Variants in SP140L observed in about 807,000 individuals in gnomAD.
SP140L encodes SP140 like nuclear body protein.
A neutral mutation model predicts 84.3 loss-of-function variants in SP140L; 64 were observed. The ratio of observed to expected loss-of-function variants is 0.76; its 90% CI spans 0.62 to 0.94. The LOEUF is 0.94. SP140L is among the 40% of genes least tolerant of loss of function. The pLI, the probability that SP140L is intolerant of heterozygous loss-of-function variation, is 0.00. For missense variants in SP140L, 628 were observed against 692.5 expected, an observed-to-expected ratio of 0.91 and a Z score of 1.05; for synonymous variants, 242 against 236.9, an observed-to-expected ratio of 1.02 and a Z score of -0.20.
intron 9 of SP140L, among the ~76,000 whole-genome samples, chr2:230,385,749 C>T (rs2061555157): frequency 6.6e-6 from 1 of 152,140 alleles, no homozygotes; most frequent in African/African-American, 2.4e-5. Flanking sequence ...TCTTTCTGAC[C>T]AAGTATTAAA....
At chr2:230,394,206 A>T (rs1033010981) in intron 13 of SP140L, among the ~76,000 whole-genome samples, 1 of 152,174 alleles carries the variant, frequency 6.6e-6, no homozygotes, top group African/African-American at 2.4e-5. Context: ...TGTGAAAGTG[A>T]TTTTTCCTTC....
chr2:230,388,702 T>G (rs541588940), intron 10 of SP140L, 69 bp downstream of exon 10: 4 of 1,303,840 alleles, frequency 3.1e-6, no homozygotes, highest in South Asian at 2.9e-5. Context: ...ATGCTGTATT[T>G]TCAGTAATAA....
intron 2 of SP140L, among the ~76,000 whole-genome samples, chr2:230,336,015 A>G (rs75612095): frequency 0.013 from 1,988 of 152,316 alleles, 44 homozygotes; most frequent in African/African-American, 0.046. Context: ...GGACTCACAT[A>G]CTATACAGAT....
chr2:230,354,921 G>T (rs373523476), intron 2 of SP140L, among the ~76,000 whole-genome samples: 1 of 110,592 alleles, frequency 9.0e-6, no homozygotes, highest in Non-Finnish European at 2.0e-5. Flanking sequence ...GAAAGAAAAA[G>T]AAAGAAAAAA....
At chr2:230,340,184 G>A (rs1289293045) in intron 2 of SP140L, among the ~76,000 whole-genome samples, 5 of 151,702 alleles carry the variant, frequency 3.3e-5, no homozygotes, top group African/African-American at 1.2e-4. Flanking sequence ...CCTGTATTGA[G>A]TGCATATATA....
intron 9 of SP140L, among the ~76,000 whole-genome samples, chr2:230,387,627 T>A (rs2061639514): frequency 6.6e-6 from 1 of 152,176 alleles, no homozygotes; most frequent in African/African-American, 2.4e-5. Context: ...CCCTAGATGG[T>A]GGTCATTGGA....
intron 2 of SP140L, among the ~76,000 whole-genome samples, chr2:230,341,489 G>A (rs1279809719): frequency 6.7e-6 from 1 of 148,350 alleles, no homozygotes; most frequent in Non-Finnish European, 1.5e-5. Flanking sequence ...TCTTCTCTCA[G>A]CTCGTCAAAG....
intron 7 of SP140L, among the ~76,000 whole-genome samples, chr2:230,374,511 AAG>A (rs1396421006): frequency 1.3e-5 from 2 of 152,190 alleles, no homozygotes; most frequent in African/African-American, 4.8e-5. Context: ...TTAGTTGATA[AAG>A]CAGCAGCAGG....
intron 2 of SP140L, among the ~76,000 whole-genome samples, chr2:230,345,301 A>T: frequency 6.6e-6 from 1 of 152,206 alleles, no homozygotes; most frequent in East Asian, 1.9e-4. Context: ...ATTTTGTCCA[A>T]CATAAAGATA....
intron 14 of SP140L, among the ~76,000 whole-genome samples, chr2:230,398,117 G>C (rs1240866646): frequency 1.3e-5 from 2 of 152,074 alleles, no homozygotes; most frequent in African/African-American, 4.8e-5. Flanking sequence ...TCCCACTTTA[G>C]GGAAATTCTA....
chr2:230,384,023 AATT>A (rs2061489018), intron 8 of SP140L, among the ~76,000 whole-genome samples: 1 of 152,092 alleles, frequency 6.6e-6, no homozygotes, highest in South Asian at 2.1e-4. Flanking sequence ...AGATATATGC[AATT>A]ATTTATCTGT....
At chr2:230,353,230 T>G (rs1484214171) in intron 2 of SP140L, among the ~76,000 whole-genome samples, 1 of 152,018 alleles carries the variant, frequency 6.6e-6, no homozygotes, top group Non-Finnish European at 1.5e-5. Flanking sequence ...CCCAACACAG[T>G]GTGTTTTGTT....
intron 7 of SP140L, among the ~76,000 whole-genome samples, chr2:230,381,283 G>T (rs775860281): frequency 1.3e-5 from 2 of 152,272 alleles, no homozygotes; most frequent in Non-Finnish European, 2.9e-5. Context: ...TTTCTAAGGA[G>T]GGAGATGTTC....
intron 2 of SP140L, among the ~76,000 whole-genome samples, chr2:230,337,675 G>A (rs1237731976): frequency 6.6e-6 from 1 of 152,136 alleles, no homozygotes; most frequent in Non-Finnish European, 1.5e-5. Flanking sequence ...TTTTGTATAA[G>A]GTGTAAAGAA....
At chr2:230,374,280 C>A (rs1472018384) in intron 7 of SP140L, among the ~76,000 whole-genome samples, 1 of 149,496 alleles carries the variant, frequency 6.7e-6, no homozygotes, top group Non-Finnish European at 1.5e-5. Context: ...TGCACCACTG[C>A]ACTCCAGCCT....
chr2:230,332,270 A>T (rs749866980), intron 2 of SP140L, among the ~76,000 whole-genome samples: 1 of 152,248 alleles, frequency 6.6e-6, no homozygotes, highest in East Asian at 1.9e-4. Flanking sequence ...AGAGATTAAA[A>T]TATCAAACAG....
chr2:230,391,972 C>T (rs2061828720), intron 11 of SP140L, 115 bp from the exon 12 acceptor site: 1 of 1,446,532 alleles, frequency 6.9e-7, no homozygotes, highest in Non-Finnish European at 9.5e-7. Context: ...GCCAGACCCT[C>T]CTGCTATTGA....
At chr2:230,392,298 A>G in intron 12 of SP140L, 69 bp downstream of exon 12, 2 of 1,599,298 alleles carry the variant, frequency 1.3e-6, no homozygotes, top group Non-Finnish European at 1.7e-6. Flanking sequence ...GAGACTGTTT[A>G]TTCACCAAAT....
chr2:230,348,100 C>T (rs190622443), intron 2 of SP140L, among the ~76,000 whole-genome samples: 12 of 152,356 alleles, frequency 7.9e-5, no homozygotes, highest in Admixed American at 5.9e-4. Context: ...CTCTCTTTTC[C>T]CCACTGGAGA....
Sources: allele counts gnomAD v4.1 joint callset (sites outside exome capture counted in the v4.1 genomes callset), GRCh38; gene constraint gnomAD v4.1.1; transcripts MANE v1.5; gene names NCBI Gene and HGNC (gene_info 2026-07-23, HGNC 2026-07-21).